The following KIRREL3 variants were observed in gnomAD, a reference collection of about 807,000 sequenced individuals.
KIRREL3 encodes kirre like nephrin family adhesion molecule 3, also known as kin of IRRE-like protein 3.
Under a neutral mutation model 89.7 loss-of-function variants are expected in KIRREL3, and 36 were observed. The observed-to-expected ratio is 0.40, with a 90% CI of 0.31 to 0.53. KIRREL3 has a LOEUF of 0.53. Ranked by LOEUF, KIRREL3 falls within the 20% of genes least tolerant of loss-of-function variation. The pLI, the probability that KIRREL3 is intolerant of heterozygous loss-of-function variation, is 0.49. For missense variants in KIRREL3, 864 were observed against 1,056.6 expected, an observed-to-expected ratio of 0.82 and a Z score of 2.53; for synonymous variants, 445 against 441.4, an observed-to-expected ratio of 1.01 and a Z score of -0.10.
chr11:126,632,509 G>T lies in KIRREL3; in HGVS notation c.56-69597C>A, dbSNP rs373304047. On this transcript the variant is annotated intron_variant, in intron 1 of 16. Coordinates refer to ENST00000525144, the MANE Select transcript of KIRREL3 (RefSeq NM_032531.4). Reference sequence around the variant, plus strand: ...GCTCGGAGGAAGGCAGCACTGAATAGCTTGTTACACGTAATGTGTGAATAA... The same window carrying T: ...GCTCGGAGGAAGGCAGCACTGAATATCTTGTTACACGTAATGTGTGAATAA... 1.5e-3 allele frequency among the ~76,000 whole-genome samples: 224 copies of T among 152,326 alleles called. 2 individuals are homozygous for T. The highest frequency in any genetic ancestry group is 0.014 in the South Asian group (68 of 4,814).
At chr11:126,500,773 A>G (rs1957831786) in intron 4 of KIRREL3, among the ~76,000 whole-genome samples, 1 of 151,806 alleles carries the variant, frequency 6.6e-6, no homozygotes, top group Non-Finnish European at 1.5e-5. Context: ...AAAGAAAAAC[A>G]GTATATATTT....
At position 126,530,709 on chromosome 11, in the gene KIRREL3, C is replaced by T. The variant is rs1300183731; in HGVS notation, c.134-4022G>A. On this transcript the variant is annotated intron_variant, in intron 2 of 16. Coordinates refer to ENST00000525144, the MANE Select transcript of KIRREL3 (RefSeq NM_032531.4). The surrounding 1 kb of genome is among the most constrained non-coding windows in gnomAD (Gnocchi z 5.8). ...TCCTGCTCTCAGTGGAGATGTGACA[C>T]ACCCAGCACCTTCCACCGGCCCAGG... 1.3e-5 allele frequency among the ~76,000 whole-genome samples: 2 copies of T among 152,222 alleles called. No individual in the cohort carries two copies. The highest frequency in any genetic ancestry group is 4.8e-5 in the African/African-American group (2 of 41,460).
At position 126,651,973 on chromosome 11, in the gene KIRREL3, G is replaced by T. The variant is rs568710522; in HGVS notation, c.56-89061C>A. 6.6e-6 allele frequency among the ~76,000 whole-genome samples: 1 copy of T among 152,322 alleles called. No homozygotes were observed. Among genetic ancestry groups the T allele is most frequent in the East Asian group, 1.9e-4 (1 of 5,184 alleles). ...AGTTTCTGAATTCAGATATTTAAATGATGGTAGGGTAAGTCATTATGCCAA... is the reference window on the plus strand; with the variant it reads ...AGTTTCTGAATTCAGATATTTAAATTATGGTAGGGTAAGTCATTATGCCAA... On this transcript the variant is annotated intron_variant, in intron 1 of 16. Transcript: ENST00000525144. The surrounding 1 kb of genome is among the most constrained non-coding windows in gnomAD (Gnocchi z 4.6).
In KIRREL3 at chr11:126,896,379, C is replaced by T. The variant is rs1043452310; in HGVS notation, c.55+104076G>A. On this transcript the variant is annotated intron_variant, in intron 1 of 16. Coordinates refer to ENST00000525144, the MANE Select transcript of KIRREL3 (RefSeq NM_032531.4). This position sits in a 1 kb window ranked among gnomAD's most constrained non-coding sequence, Gnocchi z 4.1. ...CAGGGGCTTCTCTGACTCCTCTCCA[C>T]ATTTGACCTTGGTCTCTGAGATGCT... Among the ~76,000 whole-genome samples the T allele has an allele frequency of 6.6e-6, 1 of 152,240 alleles. No homozygotes were observed. The highest frequency in any genetic ancestry group is 2.4e-5 in the African/African-American group (1 of 41,464).
At position 126,892,275 on chromosome 11, in the gene KIRREL3, C is replaced by T. The variant is rs774983678; in HGVS notation, c.55+108180G>A. 6.6e-6 allele frequency among the ~76,000 whole-genome samples: 1 copy of T among 152,244 alleles called. No individual in the cohort carries two copies. Among genetic ancestry groups the T allele is most frequent in the Admixed American group, 6.5e-5 (1 of 15,300 alleles). On this transcript the variant is annotated intron_variant, in intron 1 of 16. Coordinates refer to ENST00000525144, the MANE Select transcript of KIRREL3 (RefSeq NM_032531.4). The surrounding 1 kb of genome is among the most constrained non-coding windows in gnomAD (Gnocchi z 5.4). ...TCTGTTTTCTTCATCCCCTTCGTAC[C>T]CTCCTGCTCAGCAGAAGCTGAGGGA...
Position 126,537,424 on chromosome 11 carries a change from G to A in KIRREL3, c.134-10737C>T, listed in dbSNP as rs972295362. On this transcript the variant is annotated intron_variant, in intron 2 of 16. Coordinates refer to ENST00000525144, the MANE Select transcript of KIRREL3 (RefSeq NM_032531.4). This position sits in a 1 kb window ranked among gnomAD's most constrained non-coding sequence, Gnocchi z 4.3. ...TTGCTTCAAGCAAGGGAGTTGTGGG[G>A]AGGAAGCAGAGAAGGCATCCTGGAG... is the stretch of plus-strand genomic sequence containing the variant. Among the ~76,000 whole-genome samples, 4 of 152,222 alleles carry A rather than the reference G, an allele frequency of 2.6e-5. No homozygotes were observed. The East Asian group carries it at 7.7e-4, about 29-fold the overall frequency.
intron 1 of KIRREL3, among the ~76,000 whole-genome samples, chr11:126,577,017 C>T (rs909446112): frequency 1.3e-5 from 2 of 152,122 alleles, no homozygotes; most frequent in Admixed American, 6.5e-5. Flanking sequence ...ACTGAAGACC[C>T]GTGCCTTCGC....
chr11:126,529,762 C>G (rs1805146599), intron 2 of KIRREL3, among the ~76,000 whole-genome samples: 1 of 151,854 alleles, frequency 6.6e-6, no homozygotes, highest in South Asian at 2.1e-4. Flanking sequence ...GGATGGGAGA[C>G]AGTACTCTAA....
rs1183471518 is a variant in KIRREL3, at chr11:126,892,640, G to C, written c.55+107815C>G. ...TATGTATTATGTGTGTGTGTTTCCG[G>C]TGGGCAGGTGTGGCTGGAGGCATGA... On this transcript the variant is annotated intron_variant, in intron 1 of 16. Transcript: ENST00000525144. This position sits in a 1 kb window ranked among gnomAD's most constrained non-coding sequence, Gnocchi z 5.4. Among the ~76,000 whole-genome samples, 2 of 152,202 alleles carry C rather than the reference G, an allele frequency of 1.3e-5. No individual in the cohort carries two copies. The highest frequency in any genetic ancestry group is 2.9e-5 in the Non-Finnish European group (2 of 68,042).
rs1565531139 is a variant in KIRREL3 at position 126,535,073 on chromosome 11, G to T, written c.134-8386C>A. 1.3e-5 allele frequency among the ~76,000 whole-genome samples: 2 copies of T among 152,030 alleles called. No homozygotes were observed. The highest frequency in any genetic ancestry group is 2.1e-4 in the South Asian group (1 of 4,822). The stretch of plus-strand genomic sequence containing the variant: ...TGGGCAGGAGGTGGAGCATTTGGTG[G>T]CCTTTTGGGGGCTCTGGTTATGGGG... On this transcript the variant is annotated intron_variant, in intron 2 of 16. Transcript: ENST00000525144. This position sits in a 1 kb window ranked among gnomAD's most constrained non-coding sequence, Gnocchi z 4.5.
rs542318006 is a variant in KIRREL3 at position 126,992,787 on chromosome 11, C to T, written c.55+7668G>A. Reference sequence around the variant, plus strand: ...CCCATCTTCAATGTTAGGCTGCCTGCGCCTCTAACTAGCCAAGGGGATCCA... The same window carrying T: ...CCCATCTTCAATGTTAGGCTGCCTGTGCCTCTAACTAGCCAAGGGGATCCA... On this transcript the variant is annotated intron_variant, in intron 1 of 16. Coordinates refer to ENST00000525144, the MANE Select transcript of KIRREL3 (RefSeq NM_032531.4). Among the ~76,000 whole-genome samples the T allele has an allele frequency of 5.4e-4, 82 of 152,310 alleles. 1 individual carries two copies. In the Middle Eastern group the frequency reaches 0.01, roughly 19 times the overall value.
intron 1 of KIRREL3, among the ~76,000 whole-genome samples, chr11:126,660,385 G>A (rs527575028): frequency 2.6e-5 from 4 of 152,314 alleles, no homozygotes; most frequent in South Asian, 4.1e-4. Context: ...CTGCTGAGAC[G>A]TAGGCACATG....
Position 126,489,839 on chromosome 11 carries a change from G to A in KIRREL3, c.434-16373C>T, listed in dbSNP as rs144035422. 3.5e-4 allele frequency among the ~76,000 whole-genome samples: 53 copies of A among 152,240 alleles called. 1 individual carries two copies. The highest frequency in any genetic ancestry group is 5.7e-4 in the Non-Finnish European group (39 of 68,024). On this transcript the variant is annotated intron_variant, in intron 4 of 16. Transcript: ENST00000525144. The surrounding 1 kb of genome is among the most constrained non-coding windows in gnomAD (Gnocchi z 5.5). ...CCATGGAAAGTGTGTTGTTCATGGCGGATCCTCTATCAAAAAACAGGATGG... is the reference window on the plus strand; with the variant it reads ...CCATGGAAAGTGTGTTGTTCATGGCAGATCCTCTATCAAAAAACAGGATGG...
chr11:126,486,978 G>A lies in KIRREL3; in HGVS notation c.434-13512C>T, dbSNP rs866417467. On this transcript the variant is annotated intron_variant, in intron 4 of 16. Coordinates refer to ENST00000525144, the MANE Select transcript of KIRREL3 (RefSeq NM_032531.4). The surrounding 1 kb of genome is among the most constrained non-coding windows in gnomAD (Gnocchi z 6.2). ...CATCCGGTAAATCCACCTCCTCAAC[G>A]AGCCTCATAGTTTCAGTAAGGACGA... Among the ~76,000 whole-genome samples the A allele has an allele frequency of 2.6e-5, 4 of 152,080 alleles. No homozygotes were observed. The highest frequency in any genetic ancestry group is 1.5e-5 in the Non-Finnish European group (1 of 68,030).
intron 2 of KIRREL3, among the ~76,000 whole-genome samples, chr11:126,534,917 C>T (rs1185944484): frequency 6.6e-6 from 1 of 152,144 alleles, no homozygotes; most frequent in Non-Finnish European, 1.5e-5. Context: ...TTGGATGAAC[C>T]CTGTCCTGAT....
At chr11:126,452,741 G>C (rs1262529140) in intron 7 of KIRREL3, among the ~76,000 whole-genome samples, 1 of 152,164 alleles carries the variant, frequency 6.6e-6, no homozygotes, top group Non-Finnish European at 1.5e-5. Flanking sequence ...AGCCAGAGAC[G>C]GAAGAGGACC....
intron 1 of KIRREL3, among the ~76,000 whole-genome samples, chr11:126,907,526 G>T (rs561917686): frequency 2.0e-5 from 3 of 152,156 alleles, no homozygotes; most frequent in African/African-American, 7.2e-5. Context: ...TTGCTGGAGG[G>T]ACAGGTTGAG....
chr11:126,577,501 C>A (rs956555711), intron 1 of KIRREL3, among the ~76,000 whole-genome samples: 1 of 149,432 alleles, frequency 6.7e-6, no homozygotes, highest in African/African-American at 2.5e-5. Context: ...AATCCCAGCA[C>A]TTTGGGAGGC....
intron 5 of KIRREL3, among the ~76,000 whole-genome samples, chr11:126,470,526 A>G (rs992152923): frequency 2.0e-5 from 3 of 152,184 alleles, no homozygotes; most frequent in Admixed American, 6.5e-5. Context: ...GGGACAGGAA[A>G]GACACACCCT....
Sources: gnomAD v4.1 joint callset for allele counts (sites outside exome capture counted in the v4.1 genomes callset) on GRCh38, gnomAD v4.1.1 for gene constraint, Gnocchi (gnomAD v3.1) non-coding constraint, MANE v1.5 for transcripts, NCBI Gene and HGNC (gene_info 2026-07-23, HGNC 2026-07-21) for gene names.